The following RESP18 variants were observed in gnomAD, a reference collection of about 807,000 sequenced individuals.
RESP18 encodes regulated endocrine-specific protein 18.
RESP18 carries 30 observed loss-of-function variants against 30.0 expected under a neutral mutation model. That is an observed-to-expected ratio of 1.00 (90% confidence interval 0.75 to 1.36). RESP18 has a LOEUF of 1.36. RESP18 is among the 40% of genes most tolerant of loss of function. The pLI is 0.00. For missense variants in RESP18, 320 were observed against 284.2 expected, an observed-to-expected ratio of 1.13 and a Z score of -0.91; for synonymous variants, 117 against 111.2, an observed-to-expected ratio of 1.05 and a Z score of -0.33.
rs1574947627 is a variant in RESP18, at chr2:219,329,016, A to T, written c.556-8T>A. 6.5e-7 allele frequency: 1 copy of T among 1,546,172 alleles called. No homozygotes were observed. The highest frequency in any genetic ancestry group is 8.8e-7 in the Non-Finnish European group (1 of 1,141,972). On this transcript the variant is annotated splice_polypyrimidine_tract_variant and splice_region_variant and intron_variant, in intron 5 of 6. Coordinates refer to ENST00000333527, the MANE Select transcript of RESP18 (RefSeq NM_001007089.4). Reference sequence around the variant, plus strand: ...TGAACACCTATAGGTAATCTGAGAGATACAGGAAATTAGAAGTACCTTTGA... The same window carrying T: ...TGAACACCTATAGGTAATCTGAGAGTTACAGGAAATTAGAAGTACCTTTGA...
chr2:219,329,489 G>T, intron 4 of RESP18, 148 bp downstream of exon 3: 3 of 1,547,268 alleles, frequency 1.9e-6, no homozygotes, highest in Non-Finnish European at 2.6e-6. Flanking sequence ...AATGGATCAT[G>T]AAATTCTTCT....
At chr2:219,331,897 C>A (rs1952835496) in intron 2 of RESP18, among the ~76,000 whole-genome samples, 1 of 152,240 alleles carries the variant, frequency 6.6e-6, no homozygotes, top group Non-Finnish European at 1.5e-5. Context: ...GTTCCTGAAT[C>A]CGCTGCATTG....
chr2:219,332,161 C>CCTT (rs1952838167), intron 2 of RESP18, among the ~76,000 whole-genome samples: 1 of 152,186 alleles, frequency 6.6e-6, no homozygotes, highest in Non-Finnish European at 1.5e-5. Context: ...CCTGGCCCAG[C>CCTT]CTTCTCCCTG....
chr2:219,328,918 A>G lies in RESP18; in HGVS notation c.640+6T>C, dbSNP rs749858461. 3 of 1,540,964 alleles carry G rather than the reference A, an allele frequency of 1.9e-6. No individual in the cohort carries two copies. Among genetic ancestry groups the G allele is most frequent in the South Asian group, 2.4e-5 (2 of 83,566 alleles). On this transcript the variant is annotated splice_donor_region_variant and intron_variant, in intron 6 of 6. Transcript: ENST00000333527. ...TTTCAATGCCTATTTTAAACTCAAT[A>G]CTTACGCATGATCTTATAGATAATT...
chr2:219,330,579 G>A (rs915850230), intron 3 of RESP18, among the ~76,000 whole-genome samples, 192 bp downstream of exon 2: 3 of 150,042 alleles, frequency 2.0e-5, no homozygotes, highest in African/African-American at 7.5e-5. Flanking sequence ...CTTCCAAGGT[G>A]TTCTAGTGCA....
rs2385403 is a variant in RESP18 at position 219,332,702 on chromosome 2, C to T, written c.54G>A (p.Pro18=). The change falls in exon 2 of 7, where the codon CCG becomes CCA. Residue 18 remains proline (P), a synonymous_variant. Transcript: ENST00000333527. ...TAGCGGCCACGGCCGAGGGGCTGAG[C>T]GGGGCTGCAGCTTCCCACCAGCCCG... The T allele has an allele frequency of 0.16, 250,657 of 1,547,828 alleles. 23,482 individuals carry two copies. Among genetic ancestry groups the T allele is most frequent in the African/African-American group, 0.33 (24,389 of 72,970 alleles).
chr2:219,329,864 T>C (rs1952812904), intron 3 of RESP18, 100 bp from the exon 3 acceptor site: 1 of 1,201,200 alleles, frequency 8.3e-7, no homozygotes, highest in Non-Finnish European at 1.2e-6. Context: ...TTAGATTACA[T>C]TTTACAGAGA....
In RESP18 at chr2:219,329,845, A is replaced by T. The variant is rs1952812536; in HGVS notation, c.338-81T>A. ...CAGGGATCAGAGTAACCTTTCTCTC[A>T]AGTATATATTAGATTACATTTTACA... On this transcript the variant is annotated intron_variant, in intron 3 of 6. Coordinates refer to ENST00000333527, the MANE Select transcript of RESP18 (RefSeq NM_001007089.4). 2.0e-5 allele frequency: 27 copies of T among 1,366,722 alleles called. No individual in the cohort carries two copies. The South Asian group carries it at 3.6e-4, about 18-fold the overall frequency. The allele number at this position is 1,366,722 out of a possible 1,614,324, so 84.7% of individuals were successfully genotyped here.
At chr2:219,332,464 C>T in intron 2 of RESP18, 60 bp downstream of exon 1, 1 of 1,318,144 alleles carries the variant, frequency 7.6e-7, no homozygotes, top group Admixed American at 2.1e-5. Context: ...CCCCTGCAGA[C>T]CCCCACTTCT....
At chr2:219,329,884 G>T in intron 3 of RESP18, 120 bp from the exon 3 acceptor site, 1 of 1,040,196 alleles carries the variant, frequency 9.6e-7, no homozygotes, top group Non-Finnish European at 1.4e-6. Flanking sequence ...AATTAAACAA[G>T]ATGATGTATT....
chr2:219,332,571 A>C lies in RESP18; in HGVS notation c.185T>G (p.Leu62Arg). Reference sequence around the variant, plus strand: ...GCCCCCCGGGCAGCTGTTCAGCAGCAGGAAGCAGACAAGCAGCTGGAGCCC... The same window carrying C: ...GCCCCCCGGGCAGCTGTTCAGCAGCCGGAAGCAGACAAGCAGCTGGAGCCC... The change falls in exon 2 of 7, where the codon CTG (leucine) becomes CGG (arginine). Residue 62 changes from leucine to arginine, a missense_variant. Physicochemically the swap from Leu to Arg is moderately radical, Grantham distance 102. Transcript: ENST00000333527. The C allele has an allele frequency of 6.4e-7, 1 of 1,551,400 alleles. No homozygotes were observed. Among genetic ancestry groups the C allele is most frequent in the South Asian group, 1.2e-5 (1 of 84,052 alleles).
At chr2:219,331,006 T>C in intron 2 of RESP18, 131 bp from the exon 2 acceptor site, 2 of 622,268 alleles carry the variant, frequency 3.2e-6, no homozygotes, top group Non-Finnish European at 5.8e-6. Flanking sequence ...GGCCGCTTTG[T>C]CCACTTCAAG....
In RESP18 at chr2:219,329,839, T is replaced by C. The variant is rs1952812438; in HGVS notation, c.338-75A>G. The C allele has an allele frequency of 6.5e-5, 91 of 1,408,548 alleles. No individual in the cohort carries two copies. The South Asian group carries it at 1.1e-3, about 18-fold the overall frequency. 87.3% of individuals were successfully genotyped at this position (1,408,548 alleles called of 1,614,324 possible). A position where few individuals can be genotyped will look rare whatever the true frequency, so the allele number is the denominator to read the frequency against. ...CCACTCCAGGGATCAGAGTAACCTT[T>C]CTCTCAAGTATATATTAGATTACAT... is the stretch of plus-strand genomic sequence containing the variant. On this transcript the variant is annotated intron_variant, in intron 3 of 6. Transcript: ENST00000333527.
At position 219,332,512 on chromosome 2, in the gene RESP18, G is replaced by T; in HGVS notation, c.232+12C>A. The T allele has an allele frequency of 6.5e-7, 1 of 1,547,564 alleles. No individual in the cohort carries two copies. Among genetic ancestry groups the T allele is most frequent in the Non-Finnish European group, 8.7e-7 (1 of 1,144,714 alleles). ...CTTGGCCCTGCCCGCACCCCCCAGG[G>T]TTCCTCCTGACCGTGGGCACTAGTG... On this transcript the variant is annotated intron_variant, in intron 2 of 6. Coordinates refer to ENST00000333527, the MANE Select transcript of RESP18 (RefSeq NM_001007089.4).
rs1384729471 is a variant in RESP18 at position 219,329,169 on chromosome 2, AG to A, written c.548del (p.Pro183LeufsTer15). On this transcript the variant is annotated frameshift_variant, in exon 5 of 7. Coordinates refer to ENST00000333527, the MANE Select transcript of RESP18 (RefSeq NM_001007089.4). LOFTEE classifies it high-confidence loss of function. ...GAAAAAGTGAGCCCCTCACCTTGACAGGGTTGGCCACCTCTTGTTTCAGGGC... is the reference window on the plus strand; with the variant it reads ...GAAAAAGTGAGCCCCTCACCTTGACAGGTTGGCCACCTCTTGTTTCAGGGC... The A allele has an allele frequency of 1.3e-6, 2 of 1,551,344 alleles. No homozygotes were observed. Among genetic ancestry groups the A allele is most frequent in the Non-Finnish European group, 1.7e-6 (2 of 1,146,788 alleles).
At chr2:219,329,968 T>C (rs561029475) in intron 3 of RESP18, among the ~76,000 whole-genome samples, 3 of 152,368 alleles carry the variant, frequency 2.0e-5, no homozygotes, top group African/African-American at 7.2e-5. Context: ...TGCTGGTTCA[T>C]TTGATGCTAT....
At chr2:219,329,080 C>G in intron 5 of RESP18, 72 bp from the exon 5 acceptor site, 1 of 1,468,444 alleles carries the variant, frequency 6.8e-7, no homozygotes. Context: ...GATCTGCCCT[C>G]ACCTCAATGC....
chr2:219,332,724 C>G lies in RESP18; in HGVS notation c.32G>C (p.Gly11Ala). 6.5e-7 allele frequency: 1 copy of G among 1,545,694 alleles called. No homozygotes were observed. Residue 11 changes from glycine to alanine, a missense_variant, in exon 2 of 7, where the codon GGC becomes GCC. Physicochemically the swap from Gly to Ala is moderately conservative, Grantham distance 60 (BLOSUM62 0). Transcript: ENST00000333527. ...GAGCGGGGCTGCAGCTTCCCACCAG[C>G]CCGCGACTCCGAATCTGTTTAACCC... is the stretch of plus-strand genomic sequence containing the variant.
At chr2:219,328,733 G>C (rs992416787) in intron 6 of RESP18, among the ~76,000 whole-genome samples, 191 bp downstream of exon 5, 1 of 152,198 alleles carries the variant, frequency 6.6e-6, no homozygotes, top group African/African-American at 2.4e-5. Flanking sequence ...TCAGAGCCTT[G>C]CCTGGGTGAC....
Sources: allele counts gnomAD v4.1 joint callset (sites outside exome capture counted in the v4.1 genomes callset), GRCh38; gene constraint gnomAD v4.1.1; transcripts MANE v1.5; gene names NCBI Gene and HGNC (gene_info 2026-07-23, HGNC 2026-07-21).